PLCB4: variants seen among roughly 807,000 people sequenced by gnomAD.
The protein encoded by PLCB4 is phospholipase C beta 4.
A neutral mutation model predicts 178.8 loss-of-function variants in PLCB4; 77 were observed. The observed-to-expected ratio is 0.43, with a 90% CI of 0.36 to 0.52. The LOEUF (loss-of-function observed/expected upper bound fraction) is 0.52, where lower values mean the gene tolerates loss of function less well. Among genes scored for constraint, PLCB4 ranks in the 20% least tolerant of loss-of-function variants. The pLI, the probability that PLCB4 is intolerant of heterozygous loss-of-function variation, is 0.00. For missense variants in PLCB4, 1,024 were observed against 1,453.4 expected, an observed-to-expected ratio of 0.70 and a Z score of 4.80; for synonymous variants, 496 against 490.8, an observed-to-expected ratio of 1.01 and a Z score of -0.14.
intron 7 of PLCB4, among the ~76,000 whole-genome samples, chr20:9,340,522 T>C (rs1213782798): frequency 6.6e-6 from 1 of 152,166 alleles, no homozygotes; most frequent in African/African-American, 2.4e-5. Flanking sequence ...TCTGTCCTTA[T>C]TGTGGTGGTT....
At chr20:9,303,407 G>A (rs1398876087) in intron 3 of PLCB4, among the ~76,000 whole-genome samples, 1 of 152,182 alleles carries the variant, frequency 6.6e-6, no homozygotes, top group African/African-American at 2.4e-5. Context: ...AACTGTTATA[G>A]ATTCCACATG....
chr20:9,101,379 G>A (rs2091144845), intron 2 of PLCB4, among the ~76,000 whole-genome samples: 1 of 152,076 alleles, frequency 6.6e-6, no homozygotes, highest in Non-Finnish European at 1.5e-5. Context: ...ATTGCGTTAT[G>A]GATGGCTCCT....
intron 3 of PLCB4, among the ~76,000 whole-genome samples, chr20:9,279,434 G>A (rs186869389): frequency 3.3e-5 from 5 of 151,852 alleles, no homozygotes; most frequent in East Asian, 1.9e-4. Context: ...AAACGTGAAG[G>A]GGGGGAAATG....
At chr20:9,433,997 G>T (rs940065253) in intron 28 of PLCB4, among the ~76,000 whole-genome samples, 4 of 152,120 alleles carry the variant, frequency 2.6e-5, no homozygotes, top group African/African-American at 9.7e-5. Flanking sequence ...AATATATGTA[G>T]AGGTATGCTA....
At chr20:9,075,976 C>T (rs2089843078) in intron 1 of PLCB4, among the ~76,000 whole-genome samples, 1 of 152,062 alleles carries the variant, frequency 6.6e-6, no homozygotes, top group Non-Finnish European at 1.5e-5. Context: ...TTGTTTTGCC[C>T]TTTAATTTTT....
At chr20:9,344,454 A>G (rs1415522353) in intron 7 of PLCB4, among the ~76,000 whole-genome samples, 1 of 152,204 alleles carries the variant, frequency 6.6e-6, no homozygotes, top group Non-Finnish European at 1.5e-5. Flanking sequence ...TCACTGCTGT[A>G]TCTGCAACAT....
At chr20:9,088,649 G>A (rs1303526067) in intron 1 of PLCB4, among the ~76,000 whole-genome samples, 1 of 152,096 alleles carries the variant, frequency 6.6e-6, no homozygotes, top group African/African-American at 2.4e-5. Context: ...GAGGAATGAG[G>A]TTGCTAATCT....
chr20:9,242,078 C>CTGCAGG (rs1278320607), intron 3 of PLCB4, among the ~76,000 whole-genome samples: 2 of 152,198 alleles, frequency 1.3e-5, no homozygotes, highest in African/African-American at 4.8e-5. Flanking sequence ...ACATTTGGAA[C>CTGCAGG]TGCAGGTGCA....
chr20:9,357,528 C>T (rs1322377027), intron 7 of PLCB4, among the ~76,000 whole-genome samples: 3 of 152,108 alleles, frequency 2.0e-5, no homozygotes, highest in Non-Finnish European at 4.4e-5. Flanking sequence ...ATGCTTGTGT[C>T]CCACCAAAAT....
At chr20:9,179,269 CAGTG>C (rs1275307189) in intron 2 of PLCB4, among the ~76,000 whole-genome samples, 1 of 151,986 alleles carries the variant, frequency 6.6e-6, no homozygotes, top group Non-Finnish European at 1.5e-5. Flanking sequence ...ACAAGTAAAA[CAGTG>C]AGGAGAAGAG....
chr20:9,408,158 A>G, intron 22 of PLCB4, 100 bp downstream of exon 22: 2 of 993,954 alleles, frequency 2.0e-6, no homozygotes, highest in South Asian at 1.6e-5. Context: ...CTTTGTGGGC[A>G]TGGGGGCTGT....
At chr20:9,312,333 A>T (rs1242208124) in intron 4 of PLCB4, among the ~76,000 whole-genome samples, 1 of 143,984 alleles carries the variant, frequency 6.9e-6, no homozygotes, top group Non-Finnish European at 1.5e-5. Flanking sequence ...TCTTTATACT[A>T]GCCTCCCCAC....
intron 25 of PLCB4, among the ~76,000 whole-genome samples, chr20:9,414,410 C>G (rs1475658515): frequency 1.3e-5 from 2 of 152,220 alleles, no homozygotes; most frequent in Admixed American, 6.5e-5. Context: ...GTCACTGGTG[C>G]TCGGGCACTG....
intron 12 of PLCB4, among the ~76,000 whole-genome samples, chr20:9,377,446 T>A (rs768299851): frequency 6.6e-6 from 1 of 152,202 alleles, no homozygotes; most frequent in African/African-American, 2.4e-5. Context: ...TTTTTCCATA[T>A]GAAAATGATA....
At chr20:9,356,410 A>G (rs2034828730) in intron 7 of PLCB4, among the ~76,000 whole-genome samples, 1 of 152,188 alleles carries the variant, frequency 6.6e-6, no homozygotes, top group African/African-American at 2.4e-5. Flanking sequence ...CACTGGCTAT[A>G]TTTCATGGCA....
chr20:9,362,152 C>A (rs2035397967), intron 7 of PLCB4, among the ~76,000 whole-genome samples: 1 of 152,146 alleles, frequency 6.6e-6, no homozygotes, highest in Non-Finnish European at 1.5e-5. Context: ...GGGTATGATT[C>A]TTCTATGGCA....
chr20:9,199,574 T>A (rs2093516685), intron 2 of PLCB4, among the ~76,000 whole-genome samples: 1 of 152,196 alleles, frequency 6.6e-6, no homozygotes, highest in Non-Finnish European at 1.5e-5. Flanking sequence ...GGGAAGGTTG[T>A]CCGGTACCAC....
chr20:9,216,940 A>G (rs374897738), intron 2 of PLCB4, among the ~76,000 whole-genome samples: 17 of 152,346 alleles, frequency 1.1e-4, no homozygotes, highest in African/African-American at 3.8e-4. Context: ...AATAACAAAG[A>G]CAATACGGAA....
At chr20:9,275,247 C>A (rs1273736644) in intron 3 of PLCB4, among the ~76,000 whole-genome samples, 1 of 151,980 alleles carries the variant, frequency 6.6e-6, no homozygotes, top group African/African-American at 2.4e-5. Context: ...GAAGCAAAAG[C>A]ATAAACCCCT....
Sources: allele counts gnomAD v4.1 joint callset (sites outside exome capture counted in the v4.1 genomes callset), GRCh38; gene constraint gnomAD v4.1.1; transcripts MANE v1.5; gene names NCBI Gene and HGNC (gene_info 2026-07-23, HGNC 2026-07-21).